Variants in MPLKIP observed in about 807,000 individuals in gnomAD.
MPLKIP encodes M-phase specific PLK1 interacting protein.
MPLKIP carries 16 observed loss-of-function variants against 16.9 expected under a neutral mutation model. The ratio of observed to expected loss-of-function variants is 0.94; its 90% confidence interval spans 0.64 to 1.43. The LOEUF (loss-of-function observed/expected upper bound fraction) is 1.43, where lower values mean the gene tolerates loss of function less well. Ranked by LOEUF, MPLKIP falls within the 40% of genes most tolerant of loss-of-function variation. The probability of loss-of-function intolerance (pLI) is 0.00; values close to 1 mark genes in which losing one functional copy is unlikely to be tolerated. For missense variants in MPLKIP, 282 were observed against 237.6 expected (o/e 1.19, Z -1.23); for synonymous variants, 126 against 98.4 (o/e 1.28, Z -1.66).
Position 40,130,877 on chromosome 7 carries a change from T to C in MPLKIP, c.*2182A>G, listed in dbSNP as rs369870439. The stretch of plus-strand genomic sequence containing the variant: ...TATATACAGGGTGTAGGTAGAACAA[T>C]ATAGTAGTTACAATCAGAATTTCTA... On this transcript the variant is annotated 3_prime_UTR_variant, in exon 2 of 2. Transcript: ENST00000306984. The C allele has an allele frequency of 2.6e-5, 4 of 152,122 alleles. No individual in the cohort carries two copies. Among genetic ancestry groups the C allele is most frequent in the Non-Finnish European group, 4.4e-5 (3 of 68,008 alleles). 9.4% of individuals were successfully genotyped at this position (152,122 alleles called of 1,614,324 possible).
rs1787478982 is a variant in MPLKIP at position 40,132,711 on chromosome 7, ACTT to A, written c.*345_*347del. 1 of 336,922 alleles carries A rather than the reference ACTT, an allele frequency of 3.0e-6. No homozygotes were observed. The highest frequency in any genetic ancestry group is 2.1e-5 in the African/African-American group (1 of 46,622). The allele number at this position is 336,922 out of a possible 1,614,324, so 20.9% of individuals were successfully genotyped here. A position where few individuals can be genotyped will look rare whatever the true frequency, so the allele number is the denominator to read the frequency against. The stretch of plus-strand genomic sequence containing the variant: ...TACAAAGCATTACTGTAGTAAGTCT[ACTT>A]CTTTATCATACCACAAAACCACAAT... On this transcript the variant is annotated 3_prime_UTR_variant, in exon 2 of 2. Transcript: ENST00000306984.
At chr7:40,133,458 C>T (rs1787505006) in intron 1 of MPLKIP, among the ~76,000 whole-genome samples, 199 bp from the exon 2 acceptor site, 1 of 152,132 alleles carries the variant, frequency 6.6e-6, no homozygotes, top group Non-Finnish European at 1.5e-5. Context: ...ATTCGTTATT[C>T]TCATTTATTT....
rs1190416230 is a variant in MPLKIP, at chr7:40,130,686, G to A, written c.*2373C>T. The A allele has an allele frequency of 6.6e-6, 1 of 152,066 alleles. No individual in the cohort carries two copies. Among genetic ancestry groups the A allele is most frequent in the Non-Finnish European group, 1.5e-5 (1 of 68,002 alleles). 9.4% of individuals were successfully genotyped at this position (152,066 alleles called of 1,614,324 possible). A position where few individuals can be genotyped will look rare whatever the true frequency, so the allele number is the denominator to read the frequency against. On this transcript the variant is annotated 3_prime_UTR_variant, in exon 2 of 2. Coordinates refer to ENST00000306984, the MANE Select transcript of MPLKIP (RefSeq NM_138701.4). Reference sequence around the variant, plus strand: ...TTATCTCCAAATGTCATTTCCTAAAGACAACATTTCTTACCTATAAAGTTC... The same window carrying A: ...TTATCTCCAAATGTCATTTCCTAAAAACAACATTTCTTACCTATAAAGTTC...
rs1304207917 is a variant in MPLKIP at position 40,128,216 on chromosome 7, CT to C, written c.*4842del. 1 of 152,186 alleles carries C rather than the reference CT, an allele frequency of 6.6e-6. No homozygotes were observed. The highest frequency in any genetic ancestry group is 1.5e-5 in the Non-Finnish European group (1 of 68,042). 9.4% of individuals were successfully genotyped at this position (152,186 alleles called of 1,614,324 possible). A position where few individuals can be genotyped will look rare whatever the true frequency, so the allele number is the denominator to read the frequency against. On this transcript the variant is annotated 3_prime_UTR_variant, in exon 2 of 2. Transcript: ENST00000306984. ...CTGAACAATCAATTAAGATAACTCACTACCTTCCAACCAGGCGATTATGTGT... is the reference window on the plus strand; with the variant it reads ...CTGAACAATCAATTAAGATAACTCACACCTTCCAACCAGGCGATTATGTGT...
rs1031692540 is a variant in MPLKIP at position 40,132,203 on chromosome 7, A to C, written c.*856T>G. ...CATTATGGTGATGTGTCCATGATTC[A>C]AGTTAATTAGGTCTCACTGTGGCCT... is the stretch of plus-strand genomic sequence containing the variant. On this transcript the variant is annotated 3_prime_UTR_variant, in exon 2 of 2. Transcript: ENST00000306984. The C allele has an allele frequency of 2.0e-5, 3 of 152,210 alleles. No homozygotes were observed. Among genetic ancestry groups the C allele is most frequent in the Non-Finnish European group, 4.4e-5 (3 of 68,038 alleles). 9.4% of individuals were successfully genotyped at this position (152,210 alleles called of 1,614,324 possible). A position where few individuals can be genotyped will look rare whatever the true frequency, so the allele number is the denominator to read the frequency against.
In MPLKIP at chr7:40,131,838, AAAAACAAAAC is replaced by A. The variant is rs146860848; in HGVS notation, c.*1211_*1220del. 0.044 allele frequency: 6,685 copies of A among 151,524 alleles called. 491 individuals are homozygous for A. Among genetic ancestry groups the A allele is most frequent in the African/African-American group, 0.15 (6,272 of 41,192 alleles). The allele number at this position is 151,524 out of a possible 1,614,324, so 9.4% of individuals were successfully genotyped here. A position where few individuals can be genotyped will look rare whatever the true frequency, so the allele number is the denominator to read the frequency against. ...GGGCAACAGAGTGAGACCCTATTTC[AAAAACAAAAC>A]AAAACAAACAAAAAAAACAAAACAT... On this transcript the variant is annotated 3_prime_UTR_variant, in exon 2 of 2. Coordinates refer to ENST00000306984, the MANE Select transcript of MPLKIP (RefSeq NM_138701.4).
chr7:40,133,018 T>C lies in MPLKIP; in HGVS notation c.*41A>G. On this transcript the variant is annotated 3_prime_UTR_variant, in exon 2 of 2. Coordinates refer to ENST00000306984, the MANE Select transcript of MPLKIP (RefSeq NM_138701.4). ...ACACAACTTAAAGTTTTGTCCAAGA[T>C]GTTCCTGACACATGAAGCTTCCAGT... The C allele has an allele frequency of 1.9e-6, 3 of 1,564,644 alleles. No individual in the cohort carries two copies. Among genetic ancestry groups the C allele is most frequent in the Non-Finnish European group, 8.8e-7 (1 of 1,136,962 alleles).
rs913720684 is a variant in MPLKIP at position 40,134,604 on chromosome 7, C to T, written c.-37G>A. Reference sequence around the variant, plus strand: ...AAGCCGAAAACCTCGCAGCCGCGTTCTCCCACCGGAACTGTATCAACCGGC... The same window carrying T: ...AAGCCGAAAACCTCGCAGCCGCGTTTTCCCACCGGAACTGTATCAACCGGC... On this transcript the variant is annotated 5_prime_UTR_variant, in exon 1 of 2. Coordinates refer to ENST00000306984, the MANE Select transcript of MPLKIP (RefSeq NM_138701.4). 15 of 1,547,082 alleles carry T rather than the reference C, an allele frequency of 9.7e-6. No homozygotes were observed. The Admixed American group carries it at 2.5e-4, about 26-fold the overall frequency.
rs761205739 is a variant in MPLKIP, at chr7:40,134,353, C to T, written c.215G>A (p.Ser72Asn). The change falls in exon 1 of 2, where the codon AGC becomes AAC. Residue 72 changes from serine (S) to asparagine (N), a missense_variant. By Grantham distance (46) the Ser-to-Asn change is conservative. Transcript: ENST00000306984. ...AGACCCGAACCGGCCCCCCGGGAAG[C>T]TGCCGCCGTGTCGCGGAGAGTGACT... is the stretch of plus-strand genomic sequence containing the variant. ...GSSHSPRHGG[S>N]FPGGRFGSPS... The T allele has an allele frequency of 9.0e-6, 14 of 1,553,476 alleles. No homozygotes were observed. In the Middle Eastern group the frequency reaches 1.6e-3, roughly 175 times the overall value.
At position 40,133,106 on chromosome 7, in the gene MPLKIP, T is replaced by C. The variant is rs1787488785; in HGVS notation, c.493A>G (p.Ser165Gly). ...VSVVDISQQY[S>G]NTQTFTGKKG... ...TTGCCTGTGAATGTTTGAGTATTGC[T>C]GTATTGTTGGCTTATATCCACTACA... The change falls in exon 2 of 2, where the codon AGC (serine) becomes GGC (glycine). Residue 165 changes from serine to glycine, a missense_variant. Coordinates refer to ENST00000306984, the MANE Select transcript of MPLKIP (RefSeq NM_138701.4). 1.2e-6 allele frequency: 2 copies of C among 1,614,056 alleles called. No individual in the cohort carries two copies. Among genetic ancestry groups the C allele is most frequent in the East Asian group, 4.5e-5 (2 of 44,828 alleles).
At position 40,133,043 on chromosome 7, in the gene MPLKIP, T is replaced by G. The variant is rs182870368; in HGVS notation, c.*16A>C. 3.1e-6 allele frequency: 5 copies of G among 1,610,688 alleles called. No individual in the cohort carries two copies. Among genetic ancestry groups the G allele is most frequent in the East Asian group, 4.5e-5 (2 of 44,820 alleles). On this transcript the variant is annotated 3_prime_UTR_variant, in exon 2 of 2. Transcript: ENST00000306984. ...TGTTCCTGACACATGAAGCTTCCAG[T>G]TGAATTTCAGAAATGTTAACAAAAG...
Position 40,126,812 on chromosome 7 carries a change from T to C in MPLKIP, c.*6247A>G, listed in dbSNP as rs1369731609. 6.6e-6 allele frequency: 1 copy of C among 151,266 alleles called. No individual in the cohort carries two copies. The highest frequency in any genetic ancestry group is 6.6e-5 in the Admixed American group (1 of 15,162). 9.4% of individuals were successfully genotyped at this position (151,266 alleles called of 1,614,324 possible). Reference sequence around the variant, plus strand: ...TTAAATAAAGCCGATTTTCTTTTTTTTTTTTTTATTTTGAGACAGAGTCTC... The same window carrying C: ...TTAAATAAAGCCGATTTTCTTTTTTCTTTTTTTATTTTGAGACAGAGTCTC... On this transcript the variant is annotated 3_prime_UTR_variant, in exon 2 of 2. Transcript: ENST00000306984.
Position 40,132,540 on chromosome 7 carries a change from G to A in MPLKIP, c.*519C>T, listed in dbSNP as rs1250628747. The A allele has an allele frequency of 6.0e-6, 1 of 165,710 alleles. No homozygotes were observed. Among genetic ancestry groups the A allele is most frequent in the African/African-American group, 2.4e-5 (1 of 41,482 alleles). 10.3% of individuals were successfully genotyped at this position (165,710 alleles called of 1,614,324 possible). A position where few individuals can be genotyped will look rare whatever the true frequency, so the allele number is the denominator to read the frequency against. On this transcript the variant is annotated 3_prime_UTR_variant, in exon 2 of 2. Coordinates refer to ENST00000306984, the MANE Select transcript of MPLKIP (RefSeq NM_138701.4). ...TTAATGCATTTTAACAGAAGCATTAGATAAAATGAGTATGAACAGAACTCT... is the reference window on the plus strand; with the variant it reads ...TTAATGCATTTTAACAGAAGCATTAAATAAAATGAGTATGAACAGAACTCT...
chr7:40,134,102 C>T lies in MPLKIP; in HGVS notation c.339+127G>A. On this transcript the variant is annotated intron_variant, in intron 1 of 1. Coordinates refer to ENST00000306984, the MANE Select transcript of MPLKIP (RefSeq NM_138701.4). ...CAACTTCTCTAAGCCTCAGTTCGCTCATCTGCAAAATTGGGCTAACAATAG... is the reference window on the plus strand; with the variant it reads ...CAACTTCTCTAAGCCTCAGTTCGCTTATCTGCAAAATTGGGCTAACAATAG... 2.8e-6 allele frequency: 3 copies of T among 1,079,610 alleles called. No homozygotes were observed. The South Asian group carries it at 4.3e-5, about 15-fold the overall frequency. The allele number at this position is 1,079,610 out of a possible 1,614,324, so 66.9% of individuals were successfully genotyped here.
In MPLKIP at chr7:40,134,560, C is replaced by G; in HGVS notation, c.8G>C (p.Arg3Pro). 1 of 1,589,858 alleles carries G rather than the reference C, an allele frequency of 6.3e-7. No individual in the cohort carries two copies. The highest frequency in any genetic ancestry group is 8.5e-7 in the Non-Finnish European group (1 of 1,170,652). Reference sequence around the variant, plus strand: ...AGGAGTTGGGGGCCGAAAATTCTGTCGCTGCATATCAGGAGCCAAAGCCGA... The same window carrying G: ...AGGAGTTGGGGGCCGAAAATTCTGTGGCTGCATATCAGGAGCCAAAGCCGA... The part of the protein sequence containing the change: MQ[R>P]QNFRPPTPPY... Residue 3 changes from arginine to proline, a missense_variant, in exon 1 of 2, where the codon CGA (arginine) becomes CCA (proline). Transcript: ENST00000306984.
intron 1 of MPLKIP, among the ~76,000 whole-genome samples, chr7:40,133,865 C>T (rs1584124671): frequency 1.5e-5 from 2 of 136,534 alleles, no homozygotes; most frequent in East Asian, 4.1e-4. Context: ...GAGCAGAAGC[C>T]AGTGTAGCTC....
chr7:40,134,340 GC>G lies in MPLKIP; in HGVS notation c.227del (p.Gly76AlafsTer77), dbSNP rs1562783168. The G allele has an allele frequency of 1.4e-5, 21 of 1,552,678 alleles. No individual in the cohort carries two copies. Among genetic ancestry groups the G allele is most frequent in the Non-Finnish European group, 1.7e-5 (20 of 1,148,984 alleles). On this transcript the variant is annotated frameshift_variant, in exon 1 of 2. Transcript: ENST00000306984. LOFTEE classifies it high-confidence loss of function. ...SPRHGGSFPGGRFGSPSPGGY... is the reference protein window; with the variant it reads ...SPRHGGSFPGXRFGSPSPGGY... ...CGCCAGGGGACGGAGACCCGAACCGGCCCCCCGGGAAGCTGCCGCCGTGTCG... is the reference window on the plus strand; with the variant it reads ...CGCCAGGGGACGGAGACCCGAACCGGCCCCCGGGAAGCTGCCGCCGTGTCG...
At position 40,134,491 on chromosome 7, in the gene MPLKIP, C is replaced by G; in HGVS notation, c.77G>C (p.Ser26Thr). Residue 26 changes from serine (S) to threonine (T), a missense_variant, in exon 1 of 2, where the codon AGC becomes ACC. Coordinates refer to ENST00000306984, the MANE Select transcript of MPLKIP (RefSeq NM_138701.4). ...GCCCCCGCCCGGGGTTCCCCGGAAG[C>G]TGCTTCCGCTACCCCAACCTCCTCC... Reference protein sequence around the residue: ...PGGGGWGSGSSFRGTPGGGGP... With the variant: ...PGGGGWGSGSTFRGTPGGGGP... 6.3e-7 allele frequency: 1 copy of G among 1,580,096 alleles called. No homozygotes were observed. The highest frequency in any genetic ancestry group is 1.2e-5 in the South Asian group (1 of 86,912).
At chr7:40,133,528 TAATTA>T (rs1426960626) in intron 1 of MPLKIP, among the ~76,000 whole-genome samples, 1 of 152,238 alleles carries the variant, frequency 6.6e-6, no homozygotes. Flanking sequence ...AACTTTGCAG[TAATTA>T]AATACAAGCA....
Sources: allele counts gnomAD v4.1 joint callset (sites outside exome capture counted in the v4.1 genomes callset), GRCh38; gene constraint gnomAD v4.1.1; transcripts MANE v1.5; gene names NCBI Gene and HGNC (gene_info 2026-07-23, HGNC 2026-07-21).